FAT3: variants seen among roughly 807,000 people sequenced by gnomAD.
FAT3 encodes FAT atypical cadherin 3.
A neutral mutation model predicts 310.2 loss-of-function variants in FAT3; 95 were observed. That is an observed-to-expected ratio of 0.31 (90% CI 0.26 to 0.36). FAT3 has a LOEUF of 0.36. Among genes scored for constraint, FAT3 ranks in the 10% least tolerant of loss-of-function variants. The probability of loss-of-function intolerance (pLI) is 1.00; values close to 1 mark genes in which losing one functional copy is unlikely to be tolerated. For synonymous variants in FAT3, 2,314 were observed against 2,192.9 expected (o/e 1.06, Z -1.54); for missense variants, 5,408 against 5,715.6 (o/e 0.95, Z 1.74).
At chr11:92,588,037 A>T (rs1939239175) in intron 3 of FAT3, among the ~76,000 whole-genome samples, 1 of 151,892 alleles carries the variant, frequency 6.6e-6, no homozygotes, top group Non-Finnish European at 1.5e-5. Context: ...TCTTCTAAAG[A>T]CTTTCAGGTC....
intron 20 of FAT3, 132 bp downstream of exon 20, chr11:92,857,480 C>A: frequency 1.7e-6 from 2 of 1,183,326 alleles, no homozygotes; most frequent in Middle Eastern, 2.4e-4. Flanking sequence ...TTAGAATGGA[C>A]CACAGCTAAC....
chr11:92,650,927 A>G (rs1266478661), intron 3 of FAT3, among the ~76,000 whole-genome samples: 1 of 152,236 alleles, frequency 6.6e-6, no homozygotes, highest in Non-Finnish European at 1.5e-5. Flanking sequence ...ATGGATAGCT[A>G]GTTAGCTAGG....
At chr11:92,848,302 T>A (rs1474904087) in intron 19 of FAT3, among the ~76,000 whole-genome samples, 2 of 152,190 alleles carry the variant, frequency 1.3e-5, no homozygotes, top group African/African-American at 2.4e-5. Flanking sequence ...ACAAGCATCG[T>A]GTCTGAACAA....
At chr11:92,556,933 T>A (rs1364242266) in intron 3 of FAT3, among the ~76,000 whole-genome samples, 2 of 152,184 alleles carry the variant, frequency 1.3e-5, no homozygotes, top group African/African-American at 2.4e-5. Flanking sequence ...CATTTGTTTA[T>A]GCCCCTGATC....
In FAT3 at chr11:92,837,685, T is replaced by C; in HGVS notation, c.10247T>C (p.Val3416Ala). Residue 3416 changes from valine to alanine, a missense_variant, in exon 17 of 28, where the codon GTC becomes GCC. Around this residue, in one of 5 missense-constraint regions of FAT3, gnomAD observed 4,588 missense variants for 4,809.8 expected, o/e 0.95. Coordinates refer to ENST00000525166, the MANE Select transcript of FAT3 (RefSeq NM_001367949.2). ...RERVSGYSLL[V>A]QAVDSGIPAM... ...CAGGTGTCTGGATACTCTCTGCTTG[T>C]CCAGGCCGTAGACAGTGGCATTCCT... 1 of 1,613,878 alleles carries C rather than the reference T, an allele frequency of 6.2e-7. No individual in the cohort carries two copies. The highest frequency in any genetic ancestry group is 8.5e-7 in the Non-Finnish European group (1 of 1,179,868).
rs148006990 is a variant in FAT3 at position 92,551,613 on chromosome 11, C to T, written c.3607+26665C>T. Among the ~76,000 whole-genome samples the T allele has an allele frequency of 5.6e-3, 848 of 152,140 alleles. 5 individuals carry two copies. The highest frequency in any genetic ancestry group is 0.019 in the African/African-American group (805 of 41,498). Reference sequence around the variant, plus strand: ...TTTACAATTCTGTATTATCTTAAAACATTCAAAGAAACCATTTCTTACTGA... The same window carrying T: ...TTTACAATTCTGTATTATCTTAAAATATTCAAAGAAACCATTTCTTACTGA... On this transcript the variant is annotated intron_variant, in intron 3 of 27. Coordinates refer to ENST00000525166, the MANE Select transcript of FAT3 (RefSeq NM_001367949.2).
rs145700019 is a variant in FAT3, at chr11:92,323,220, C to T, written c.-17-28876C>T. ...AGTAATATATATATACATATACATA[C>T]ATATATATATGTGTGTGTGTGTGTA... On this transcript the variant is annotated intron_variant, in intron 1 of 27. Transcript: ENST00000525166. 6.3e-4 allele frequency among the ~76,000 whole-genome samples: 96 copies of T among 151,602 alleles called. No homozygotes were observed. In the East Asian group the frequency reaches 0.017, roughly 27 times the overall value.
intron 2 of FAT3, among the ~76,000 whole-genome samples, chr11:92,397,560 C>T (rs951678069): frequency 2.0e-5 from 3 of 152,162 alleles, no homozygotes; most frequent in African/African-American, 7.2e-5. Context: ...TTTCCCCAAA[C>T]ACCTGCCAGA....
chr11:92,521,718 C>T (rs1375945008), intron 2 of FAT3, among the ~76,000 whole-genome samples: 2 of 152,048 alleles, frequency 1.3e-5, no homozygotes, highest in African/African-American at 4.8e-5. Flanking sequence ...GCTGTGGAGC[C>T]TTGGGCAAGT....
chr11:92,718,477 C>G (rs1313630748), intron 4 of FAT3, among the ~76,000 whole-genome samples: 2 of 151,986 alleles, frequency 1.3e-5, no homozygotes, highest in Non-Finnish European at 2.9e-5. Context: ...CTTAATGTGC[C>G]CACATGTGGA....
intron 3 of FAT3, among the ~76,000 whole-genome samples, chr11:92,536,042 A>G (rs1302120265): frequency 6.6e-6 from 1 of 152,194 alleles, no homozygotes. Flanking sequence ...TGAGAACTTA[A>G]AGTCCAGTTT....
chr11:92,661,756 G>C (rs2135795786), intron 3 of FAT3, among the ~76,000 whole-genome samples: 1 of 152,158 alleles, frequency 6.6e-6, no homozygotes. Context: ...AACTGAAGAG[G>C]AGAGGCATTT....
At chr11:92,442,109 ATATTT>A (rs1951086326) in intron 2 of FAT3, among the ~76,000 whole-genome samples, 2 of 50,082 alleles carry the variant, frequency 4.0e-5, no homozygotes, top group African/African-American at 1.5e-4. Context: ...ATATATATAT[ATATTT>A]TTTTTTTTTT....
intron 1 of FAT3, among the ~76,000 whole-genome samples, chr11:92,334,913 C>T (rs1427557632): frequency 6.6e-6 from 1 of 152,168 alleles, no homozygotes; most frequent in Non-Finnish European, 1.5e-5. Flanking sequence ...AGGGACTGCC[C>T]TGCGTGTTCA....
At chr11:92,597,197 G>T (rs531888562) in intron 3 of FAT3, among the ~76,000 whole-genome samples, 6 of 152,172 alleles carry the variant, frequency 3.9e-5, no homozygotes, top group Non-Finnish European at 7.3e-5. Flanking sequence ...TAGCTTAACT[G>T]ATATCCTTGA....
chr11:92,456,242 C>G (rs1368296959), intron 2 of FAT3, among the ~76,000 whole-genome samples: 2 of 152,174 alleles, frequency 1.3e-5, no homozygotes, highest in Admixed American at 6.5e-5. Context: ...AACACCTAAA[C>G]CAGTGTCTGG....
At chr11:92,574,112 T>G (rs775083841) in intron 3 of FAT3, among the ~76,000 whole-genome samples, 24 of 152,174 alleles carry the variant, frequency 1.6e-4, no homozygotes, top group Non-Finnish European at 1.5e-4. Flanking sequence ...TATGTCTTCA[T>G]GCTAGTTGAA....
At chr11:92,609,228 C>T (rs1281506573) in intron 3 of FAT3, among the ~76,000 whole-genome samples, 1 of 152,182 alleles carries the variant, frequency 6.6e-6, no homozygotes, top group East Asian at 1.9e-4. Flanking sequence ...CATTGTGTCT[C>T]TGTGCCACTT....
intron 3 of FAT3, among the ~76,000 whole-genome samples, chr11:92,594,640 A>G (rs75055772): frequency 0.011 from 1,710 of 152,258 alleles, 48 homozygotes; most frequent in African/African-American, 0.039. Flanking sequence ...TACAGGGGAT[A>G]CAATGGTGAA....
Sources: allele counts gnomAD v4.1 joint callset (sites outside exome capture counted in the v4.1 genomes callset), GRCh38; gene constraint gnomAD v4.1.1; regional missense constraint gnomAD v4.1.1; transcripts MANE v1.5; gene names NCBI Gene and HGNC (gene_info 2026-07-23, HGNC 2026-07-21).